The following CALHM5 variants were observed in gnomAD, a reference collection of about 807,000 sequenced individuals.
CALHM5 encodes calcium homeostasis modulator protein 5.
In CALHM5, 17 loss-of-function variants were observed where a neutral mutation model predicts 20.9. The ratio of observed to expected loss-of-function variants is 0.82; its 90% CI spans 0.56 to 1.22. The LOEUF is 1.22. CALHM5 is among the 50% of genes most tolerant of loss of function. The pLI is 0.00. For synonymous variants in CALHM5, 148 were observed against 140.0 expected (o/e 1.06, Z -0.40); for missense variants, 360 against 364.6 (o/e 0.99, Z 0.10).
At chr6:116,512,275 G>A in intron 1 of CALHM5, 39 bp downstream of exon 1, 6 of 1,554,840 alleles carry the variant, frequency 3.9e-6, no homozygotes, top group East Asian at 2.3e-5. Context: ...CTCAGCATGA[G>A]CTCGAAGTAT....
In CALHM5 at chr6:116,516,434, T is replaced by C. The variant is rs1285003858; in HGVS notation, c.*445T>C. On this transcript the variant is annotated 3_prime_UTR_variant, in exon 2 of 2. Transcript: ENST00000368599. Reference sequence around the variant, plus strand: ...GTCTCTGTCCTACAAATCTACACTTTTAAGGATGTATGAAATTGTGGAATT... The same window carrying C: ...GTCTCTGTCCTACAAATCTACACTTCTAAGGATGTATGAAATTGTGGAATT... 6.5e-6 allele frequency: 1 copy of C among 152,704 alleles called. No homozygotes were observed. Among genetic ancestry groups the C allele is most frequent in the Non-Finnish European group, 1.5e-5 (1 of 68,518 alleles). The allele number at this position is 152,704 out of a possible 1,614,324, so 9.5% of individuals were successfully genotyped here. A position where few individuals can be genotyped will look rare whatever the true frequency, so the allele number is the denominator to read the frequency against.
At position 116,517,517 on chromosome 6, in the gene CALHM5, G is replaced by A. The variant is rs189073095; in HGVS notation, c.*1528G>A. On this transcript the variant is annotated 3_prime_UTR_variant, in exon 2 of 2. Coordinates refer to ENST00000368599, the MANE Select transcript of CALHM5 (RefSeq NM_153711.5). ...AGTGGTAGTCTATGTCTCTTAGTTT[G>A]AGAAAGCTGAATATTAACTTCTTAT... 6.6e-6 allele frequency: 1 copy of A among 152,258 alleles called. No homozygotes were observed. The highest frequency in any genetic ancestry group is 1.9e-4 in the East Asian group (1 of 5,190). The allele number at this position is 152,258 out of a possible 1,614,324, so 9.4% of individuals were successfully genotyped here.
rs777580142 is a variant in CALHM5 at position 116,515,698 on chromosome 6, T to G, written c.639T>G (p.Ser213Arg). Residue 213 changes from serine to arginine, a missense_variant, in exon 2 of 2, where the codon AGT (serine) becomes AGG (arginine). Ser to Arg is a moderately radical substitution (Grantham distance 110). Coordinates refer to ENST00000368599, the MANE Select transcript of CALHM5 (RefSeq NM_153711.5). ...CTAAAGTTAGCTACCTTCAGCTGAG[T>G]TTTTGGAAGACATATGCACAAAAGG... ...CRSKVSYLQL[S>R]FWKTYAQKEK... 61 of 1,613,710 alleles carry G rather than the reference T, an allele frequency of 3.8e-5. No individual in the cohort carries two copies. Among genetic ancestry groups the G allele is most frequent in the Non-Finnish European group, 5.1e-5 (60 of 1,179,866 alleles).
rs1281598319 is a variant in CALHM5, at chr6:116,518,223, G to T, written c.*2234G>T. 4 of 152,132 alleles carry T rather than the reference G, an allele frequency of 2.6e-5. No homozygotes were observed. The highest frequency in any genetic ancestry group is 9.7e-5 in the African/African-American group (4 of 41,434). 9.4% of individuals were successfully genotyped at this position (152,132 alleles called of 1,614,324 possible). A position where few individuals can be genotyped will look rare whatever the true frequency, so the allele number is the denominator to read the frequency against. ...CTACTGCTTGTGACTGGTGTCTGAA[G>T]TTGGGGGAGATCTTATGGGACTGAG... is the stretch of plus-strand genomic sequence containing the variant. On this transcript the variant is annotated 3_prime_UTR_variant, in exon 2 of 2. Transcript: ENST00000368599.
At position 116,512,075 on chromosome 6, in the gene CALHM5, T is replaced by C. The variant is rs1188664868; in HGVS notation, c.379T>C (p.Cys127Arg). 1.9e-6 allele frequency: 3 copies of C among 1,613,912 alleles called. No individual in the cohort carries two copies. The highest frequency in any genetic ancestry group is 2.7e-5 in the African/African-American group (2 of 74,910). Residue 127 changes from cysteine (C) to arginine (R), a missense_variant, in exon 1 of 2, where the codon TGT (cysteine) becomes CGT (arginine). Cys to Arg is a radical substitution (Grantham distance 180, BLOSUM62 -3). Coordinates refer to ENST00000368599, the MANE Select transcript of CALHM5 (RefSeq NM_153711.5). ...VALLNGTFYE[C>R]AMSGTRSSGL... Reference sequence around the variant, plus strand: ...TCTGCTCAATGGAACTTTCTATGAATGTGCCATGAGCGGGACGAGAAGTTC... The same window carrying C: ...TCTGCTCAATGGAACTTTCTATGAACGTGCCATGAGCGGGACGAGAAGTTC...
In CALHM5 at chr6:116,522,086, G is replaced by A. The variant is rs1772356198; in HGVS notation, c.*6097G>A. The A allele has an allele frequency of 6.6e-6, 1 of 152,192 alleles. No homozygotes were observed. Among genetic ancestry groups the A allele is most frequent in the Non-Finnish European group, 1.5e-5 (1 of 68,046 alleles). 9.4% of individuals were successfully genotyped at this position (152,192 alleles called of 1,614,324 possible). A position where few individuals can be genotyped will look rare whatever the true frequency, so the allele number is the denominator to read the frequency against. ...AATTGTCTCAGATATTCTAGCTTAG[G>A]GGTCAGGCATGTGAATGAAGGAGCC... On this transcript the variant is annotated 3_prime_UTR_variant, in exon 2 of 2. Coordinates refer to ENST00000368599, the MANE Select transcript of CALHM5 (RefSeq NM_153711.5).
chr6:116,516,175 C>A lies in CALHM5; in HGVS notation c.*186C>A. ...ACATCAGGATGTGCTCAAATTGATG[C>A]TGAGGGGTGACAAAGGTGCTCTTGC... On this transcript the variant is annotated 3_prime_UTR_variant, in exon 2 of 2. Transcript: ENST00000368599. 2 of 696,040 alleles carry A rather than the reference C, an allele frequency of 2.9e-6. No individual in the cohort carries two copies. Among genetic ancestry groups the A allele is most frequent in the Non-Finnish European group, 4.2e-6 (2 of 470,890 alleles). The allele number at this position is 696,040 out of a possible 1,614,324, so 43.1% of individuals were successfully genotyped here.
Position 116,516,016 on chromosome 6 carries a change from G to A in CALHM5, c.*27G>A, listed in dbSNP as rs568261053. On this transcript the variant is annotated 3_prime_UTR_variant, in exon 2 of 2. Transcript: ENST00000368599. ...TCATCCACCATCAATGACTCATGGT[G>A]TTGAGTGGCATGCTCATTCTGTGAT... 5 of 1,554,246 alleles carry A rather than the reference G, an allele frequency of 3.2e-6. No homozygotes were observed. The highest frequency in any genetic ancestry group is 1.4e-5 in the African/African-American group (1 of 73,404).
chr6:116,512,115 T>C lies in CALHM5; in HGVS notation c.419T>C (p.Leu140Pro). 6.2e-7 allele frequency: 1 copy of C among 1,614,036 alleles called. No homozygotes were observed. Among genetic ancestry groups the C allele is most frequent in the Non-Finnish European group, 8.5e-7 (1 of 1,179,970 alleles). ...ACGAGAAGTTCAGGACTCCTGGAAC[T>C]GATTTGCAAGGGTAAGCCCAAAGAG... ...SGTRSSGLLELICKGKPKECW... is the reference protein window; with the variant it reads ...SGTRSSGLLEPICKGKPKECW... Residue 140 changes from leucine (L) to proline (P), a missense_variant, in exon 1 of 2, where the codon CTG (leucine) becomes CCG (proline). Transcript: ENST00000368599.
rs1772255345 is a variant in CALHM5 at position 116,517,735 on chromosome 6, CT to C, written c.*1748del. On this transcript the variant is annotated 3_prime_UTR_variant, in exon 2 of 2. Transcript: ENST00000368599. Reference sequence around the variant, plus strand: ...GAATGAGATGACTGATAGTTAGGGGCTTCTGAATGGCCTCAGAATAGGGTCT... The same window carrying C: ...GAATGAGATGACTGATAGTTAGGGGCTCTGAATGGCCTCAGAATAGGGTCT... 1 of 152,158 alleles carries C rather than the reference CT, an allele frequency of 6.6e-6. No individual in the cohort carries two copies. The highest frequency in any genetic ancestry group is 1.9e-4 in the East Asian group (1 of 5,196). The allele number at this position is 152,158 out of a possible 1,614,324, so 9.4% of individuals were successfully genotyped here.
intron 1 of CALHM5, chr6:116,512,481 A>G: frequency 2.1e-6 from 1 of 477,844 alleles, no homozygotes; most frequent in East Asian, 3.2e-5. Context: ...GATTGTCCAC[A>G]TATAAATACT....
rs911132968 is a variant in CALHM5, at chr6:116,516,280, A to G, written c.*291A>G. ...ATCATTCAACAGACAGACTCATGTG[A>G]GAGGGCTCATCAGTCTCTGTAAATA... On this transcript the variant is annotated 3_prime_UTR_variant, in exon 2 of 2. Coordinates refer to ENST00000368599, the MANE Select transcript of CALHM5 (RefSeq NM_153711.5). The G allele has an allele frequency of 3.6e-6, 1 of 274,324 alleles. No homozygotes were observed. The highest frequency in any genetic ancestry group is 2.2e-5 in the African/African-American group (1 of 45,812). The allele number at this position is 274,324 out of a possible 1,614,324, so 17.0% of individuals were successfully genotyped here. A position where few individuals can be genotyped will look rare whatever the true frequency, so the allele number is the denominator to read the frequency against.
chr6:116,519,172 G>C lies in CALHM5; in HGVS notation c.*3183G>C, dbSNP rs1463098914. 1 of 152,206 alleles carries C rather than the reference G, an allele frequency of 6.6e-6. No individual in the cohort carries two copies. The highest frequency in any genetic ancestry group is 1.5e-5 in the Non-Finnish European group (1 of 68,038). The allele number at this position is 152,206 out of a possible 1,614,324, so 9.4% of individuals were successfully genotyped here. ...GTTGTCTTTGGATGTGCTCCCTAGA[G>C]GCTGCGCCTGACACAGGGAGCTGTG... On this transcript the variant is annotated 3_prime_UTR_variant, in exon 2 of 2. Coordinates refer to ENST00000368599, the MANE Select transcript of CALHM5 (RefSeq NM_153711.5).
At position 116,515,993 on chromosome 6, in the gene CALHM5, A is replaced by G; in HGVS notation, c.*4A>G. 4.4e-6 allele frequency: 7 copies of G among 1,578,118 alleles called. No homozygotes were observed. Among genetic ancestry groups the G allele is most frequent in the Non-Finnish European group, 6.1e-6 (7 of 1,156,560 alleles). On this transcript the variant is annotated 3_prime_UTR_variant, in exon 2 of 2. Transcript: ENST00000368599. ...GGGTACTGCCCACAATATGTAGCTC[A>G]TCCACCATCAATGACTCATGGTGTT... is the stretch of plus-strand genomic sequence containing the variant.
chr6:116,514,140 T>C (rs1391180671), intron 1 of CALHM5, among the ~76,000 whole-genome samples: 2 of 152,034 alleles, frequency 1.3e-5, no homozygotes, highest in Non-Finnish European at 2.9e-5. Flanking sequence ...CACCAAGCTC[T>C]AGTTTGACTC....
chr6:116,514,036 C>T (rs1772175342), intron 1 of CALHM5, among the ~76,000 whole-genome samples: 1 of 152,100 alleles, frequency 6.6e-6, no homozygotes, highest in Admixed American at 6.6e-5. Context: ...TTCTGGTACA[C>T]AGTATTTGTT....
chr6:116,513,230 T>C (rs2115165827), intron 1 of CALHM5, among the ~76,000 whole-genome samples: 1 of 152,314 alleles, frequency 6.6e-6, no homozygotes, highest in African/African-American at 2.4e-5. Context: ...GCAAAATCTG[T>C]TTTTAAAATC....
chr6:116,512,777 T>C (rs955449178), intron 1 of CALHM5, among the ~76,000 whole-genome samples: 1 of 152,224 alleles, frequency 6.6e-6, no homozygotes. Context: ...ATTGTCAAGA[T>C]TGAGAAGAAT....
In CALHM5 at chr6:116,521,190, A is replaced by G. The variant is rs1286611506; in HGVS notation, c.*5201A>G. 6.6e-6 allele frequency: 1 copy of G among 152,108 alleles called. No homozygotes were observed. The highest frequency in any genetic ancestry group is 1.5e-5 in the Non-Finnish European group (1 of 68,040). 9.4% of individuals were successfully genotyped at this position (152,108 alleles called of 1,614,324 possible). A position where few individuals can be genotyped will look rare whatever the true frequency, so the allele number is the denominator to read the frequency against. The stretch of plus-strand genomic sequence containing the variant: ...ATATATAACAAAACATGACAAATAT[A>G]TAACAAAATATATGTGCTATATATA... On this transcript the variant is annotated 3_prime_UTR_variant, in exon 2 of 2. Coordinates refer to ENST00000368599, the MANE Select transcript of CALHM5 (RefSeq NM_153711.5).
Sources: gnomAD v4.1 joint callset for allele counts (sites outside exome capture counted in the v4.1 genomes callset) on GRCh38, gnomAD v4.1.1 for gene constraint, MANE v1.5 for transcripts, NCBI Gene and HGNC (gene_info 2026-07-23, HGNC 2026-07-21) for gene names.